Variants in CCL19 observed in about 807,000 individuals in gnomAD.
CCL19 encodes C-C motif chemokine 19.
Under a neutral mutation model 9.7 loss-of-function variants are expected in CCL19, and 5 were observed. That is an observed-to-expected ratio of 0.51 (90% CI 0.27 to 1.08). The LOEUF is 1.08. Among genes scored for constraint, CCL19 ranks in the 50% least tolerant of loss-of-function variants. CCL19 has a pLI of 0.12. For synonymous variants in CCL19, 40 were observed against 47.4 expected (o/e 0.84, Z 0.64); for missense variants, 90 against 122.5 (o/e 0.73, Z 1.25).
At chr9:34,690,457 T>TGC (rs1249693004) in intron 1 of CCL19, 115 bp from the exon 2 acceptor site, 2 of 970,724 alleles carry the variant, frequency 2.1e-6, no homozygotes, top group Non-Finnish European at 3.1e-6. Context: ...TGTGTGTGTG[T>TGC]GTGTGTGTGT....
Position 34,691,235 on chromosome 9 carries a change from CA to C in CCL19, c.-97del. ...GTGAGGCTGCAGGGCGACTGGGATG[CA>C]GGGGTGAAATGCAAGGTGTGAGTGA... is the stretch of plus-strand genomic sequence containing the variant. On this transcript the variant is annotated 5_prime_UTR_variant, in exon 1 of 4. Coordinates refer to ENST00000311925, the MANE Select transcript of CCL19 (RefSeq NM_006274.3). 1 of 1,088,230 alleles carries C rather than the reference CA, an allele frequency of 9.2e-7. No individual in the cohort carries two copies. The highest frequency in any genetic ancestry group is 2.2e-4 in the Middle Eastern group (1 of 4,624). The allele number at this position is 1,088,230 out of a possible 1,614,324, so 67.4% of individuals were successfully genotyped here.
chr9:34,690,424 C>CTCTG (rs1821780415), intron 1 of CCL19, 82 bp from the exon 2 acceptor site: 1 of 572,118 alleles, frequency 1.7e-6, no homozygotes, highest in Non-Finnish European at 2.9e-6. Flanking sequence ...TTGAGGACAC[C>CTCTG]TGTGTGTGTG....
At chr9:34,691,035 A>T (rs944907318) in intron 1 of CCL19, 56 bp downstream of exon 1, 11 of 1,455,748 alleles carry the variant, frequency 7.6e-6, no homozygotes, top group Non-Finnish European at 1.0e-5. Flanking sequence ...AGATCTAGAC[A>T]TTACCCACTG....
intron 2 of CCL19, 91 bp downstream of exon 2, chr9:34,690,119 G>A (rs1821776952): frequency 6.3e-7 from 1 of 1,586,632 alleles, no homozygotes; most frequent in South Asian, 1.1e-5. Context: ...TGAAGGGGTT[G>A]GGCTTGGCAT....
At position 34,691,150 on chromosome 9, in the gene CCL19, C is replaced by T; in HGVS notation, c.-11G>A. ...CAGTAGCAGGGCCATGGAGGGTGAACAGAGGCAGGCCAACGGTGAATGTGT... is the reference window on the plus strand; with the variant it reads ...CAGTAGCAGGGCCATGGAGGGTGAATAGAGGCAGGCCAACGGTGAATGTGT... On this transcript the variant is annotated 5_prime_UTR_variant, in exon 1 of 4. Coordinates refer to ENST00000311925, the MANE Select transcript of CCL19 (RefSeq NM_006274.3). 6.2e-7 allele frequency: 1 copy of T among 1,613,172 alleles called. No homozygotes were observed. The highest frequency in any genetic ancestry group is 8.5e-7 in the Non-Finnish European group (1 of 1,179,642).
At chr9:34,690,452 G>GTGTGTA in intron 1 of CCL19, 110 bp from the exon 2 acceptor site, 1 of 960,494 alleles carries the variant, frequency 1.0e-6, no homozygotes, top group East Asian at 2.6e-5. Context: ...GTGTGTGTGT[G>GTGTGTA]TGTGTGTGTG....
chr9:34,690,988 C>G, intron 1 of CCL19, 103 bp downstream of exon 1: 1 of 1,028,952 alleles, frequency 9.7e-7, no homozygotes, highest in Non-Finnish European at 1.4e-6. Flanking sequence ...TTTGCCTGAA[C>G]TCACCATGTC....
Position 34,689,749 on chromosome 9 carries a change from G to A in CCL19, c.*70C>T, listed in dbSNP as rs989940230. On this transcript the variant is annotated 3_prime_UTR_variant, in exon 4 of 4. Coordinates refer to ENST00000311925, the MANE Select transcript of CCL19 (RefSeq NM_006274.3). The surrounding 1 kb of genome is among the most constrained non-coding windows in gnomAD (Gnocchi z 4.1). ...AGCCTGGTCCTTCCTTCTGGTCCTCGGTTCCCCAGGTTAGGTAATAATTCA... is the reference window on the plus strand; with the variant it reads ...AGCCTGGTCCTTCCTTCTGGTCCTCAGTTCCCCAGGTTAGGTAATAATTCA... 21 of 1,584,094 alleles carry A rather than the reference G, an allele frequency of 1.3e-5. No individual in the cohort carries two copies. The highest frequency in any genetic ancestry group is 2.2e-5 in the East Asian group (1 of 44,720).
At chr9:34,690,710 C>T (rs541615616) in intron 1 of CCL19, among the ~76,000 whole-genome samples, 37 of 152,120 alleles carry the variant, frequency 2.4e-4, no homozygotes, top group Admixed American at 1.5e-3. Flanking sequence ...GTAGGGTAGG[C>T]TGGTGTTAGG....
Position 34,691,251 on chromosome 9 carries a change from G to T in CCL19, c.-112C>A. On this transcript the variant is annotated 5_prime_UTR_variant, in exon 1 of 4. Coordinates refer to ENST00000311925, the MANE Select transcript of CCL19 (RefSeq NM_006274.3). ...ACTGGGATGCAGGGGTGAAATGCAA[G>T]GTGTGAGTGATGTGAGGCTGGGAAT... 1 of 838,956 alleles carries T rather than the reference G, an allele frequency of 1.2e-6. No individual in the cohort carries two copies. The highest frequency in any genetic ancestry group is 1.9e-6 in the Non-Finnish European group (1 of 523,244). The allele number at this position is 838,956 out of a possible 1,614,324, so 52.0% of individuals were successfully genotyped here. A position where few individuals can be genotyped will look rare whatever the true frequency, so the allele number is the denominator to read the frequency against.
rs780254001 is a variant in CCL19, at chr9:34,690,346, GGA to G, written c.50-6_50-5del. 6.2e-6 allele frequency: 10 copies of G among 1,613,440 alleles called. No individual in the cohort carries two copies. In the South Asian group the frequency reaches 1.1e-4, roughly 18 times the overall value. On this transcript the variant is annotated splice_polypyrimidine_tract_variant and splice_region_variant and intron_variant, in intron 1 of 3. Coordinates refer to ENST00000311925, the MANE Select transcript of CCL19 (RefSeq NM_006274.3). The stretch of plus-strand genomic sequence containing the variant: ...TTGGTGCCACTCAGAGTTGGGGCTG[GGA>G]TGGGGAAAGAAGGTGACAGGACACA...
chr9:34,690,086 G>C (rs1821776564), intron 2 of CCL19, 63 bp from the exon 3 acceptor site: 2 of 1,592,400 alleles, frequency 1.3e-6, no homozygotes, highest in Non-Finnish European at 8.6e-7. Flanking sequence ...ACCATGTCTG[G>C]GAACCTGTTT....
intron 1 of CCL19, 41 bp downstream of exon 1, chr9:34,691,050 C>G (rs757379372): frequency 1.3e-6 from 2 of 1,543,132 alleles, no homozygotes; most frequent in Admixed American, 3.8e-5. Context: ...CCACTGCCAG[C>G]CCCCCACTGC....
In CCL19 at chr9:34,691,118, T is replaced by C; in HGVS notation, c.22A>G (p.Ser8Gly). 1 of 1,613,224 alleles carries C rather than the reference T, an allele frequency of 6.2e-7. No homozygotes were observed. Among genetic ancestry groups the C allele is most frequent in the Non-Finnish European group, 8.5e-7 (1 of 1,179,676 alleles). The change falls in exon 1 of 4, where the codon AGC becomes GGC. Residue 8 changes from serine to glycine, a missense_variant. Ser to Gly is a moderately conservative substitution (Grantham distance 56). Coordinates refer to ENST00000311925, the MANE Select transcript of CCL19 (RefSeq NM_006274.3). ...GGGGAAGTCCAGAGAACCAGCAGGCTGAGGGCCAGTAGCAGGGCCATGGAG... is the reference window on the plus strand; with the variant it reads ...GGGGAAGTCCAGAGAACCAGCAGGCCGAGGGCCAGTAGCAGGGCCATGGAG... Reference protein sequence around the residue: MALLLALSLLVLWTSPAP... With the variant: MALLLALGLLVLWTSPAP...
At position 34,689,825 on chromosome 9, in the gene CCL19, G is replaced by T; in HGVS notation, c.291C>A (p.Ser97Arg). 6.2e-7 allele frequency: 1 copy of T among 1,614,168 alleles called. No individual in the cohort carries two copies. Among genetic ancestry groups the T allele is most frequent in the Non-Finnish European group, 8.5e-7 (1 of 1,180,028 alleles). ...CCCTCTGCACGGTCATAGGTTAACT[G>T]CTGCGGCGCTTCATCTAGAGGAGGA... The part of the protein sequence containing the change: ...QRTSAKMKRR[S>R]S Residue 97 changes from serine (S) to arginine (R), a missense_variant, in exon 4 of 4, where the codon AGC becomes AGA. Transcript: ENST00000311925. The surrounding 1 kb of genome is among the most constrained non-coding windows in gnomAD (Gnocchi z 4.1).
In CCL19 at chr9:34,689,767, A is replaced by G; in HGVS notation, c.*52T>C. On this transcript the variant is annotated 3_prime_UTR_variant, in exon 4 of 4. Transcript: ENST00000311925. The surrounding 1 kb of genome is among the most constrained non-coding windows in gnomAD (Gnocchi z 4.1). ...GGTCCTCGGTTCCCCAGGTTAGGTA[A>G]TAATTCACAATGCTTGACTCGGACT... 1 of 1,610,594 alleles carries G rather than the reference A, an allele frequency of 6.2e-7. No homozygotes were observed. Among genetic ancestry groups the G allele is most frequent in the Non-Finnish European group, 8.5e-7 (1 of 1,177,076 alleles).
intron 1 of CCL19, among the ~76,000 whole-genome samples, chr9:34,690,821 A>G (rs1460957211): frequency 1.3e-5 from 2 of 152,164 alleles, no homozygotes; most frequent in East Asian, 3.9e-4. Flanking sequence ...AAACGGAGGC[A>G]GCAGGAAATA....
rs1160832025 is a variant in CCL19, at chr9:34,691,184, G to T, written c.-45C>A. 2 of 1,589,200 alleles carry T rather than the reference G, an allele frequency of 1.3e-6. No homozygotes were observed. The highest frequency in any genetic ancestry group is 2.2e-5 in the South Asian group (2 of 89,586). Reference sequence around the variant, plus strand: ...GCCAACGGTGAATGTGTGAGCGCCAGCTGTCTGGGTGTGTGCAGGATCTGT... The same window carrying T: ...GCCAACGGTGAATGTGTGAGCGCCATCTGTCTGGGTGTGTGCAGGATCTGT... On this transcript the variant is annotated 5_prime_UTR_variant, in exon 1 of 4. It adds an upstream start codon to the 5' untranslated region. Coordinates refer to ENST00000311925, the MANE Select transcript of CCL19 (RefSeq NM_006274.3).
At position 34,689,747 on chromosome 9, in the gene CCL19, T is replaced by C; in HGVS notation, c.*72A>G. The C allele has an allele frequency of 6.3e-7, 1 of 1,581,012 alleles. No individual in the cohort carries two copies. The highest frequency in any genetic ancestry group is 1.1e-5 in the South Asian group (1 of 89,550). ...GAAGCCTGGTCCTTCCTTCTGGTCCTCGGTTCCCCAGGTTAGGTAATAATT... is the reference window on the plus strand; with the variant it reads ...GAAGCCTGGTCCTTCCTTCTGGTCCCCGGTTCCCCAGGTTAGGTAATAATT... On this transcript the variant is annotated 3_prime_UTR_variant, in exon 4 of 4. Coordinates refer to ENST00000311925, the MANE Select transcript of CCL19 (RefSeq NM_006274.3). The surrounding 1 kb of genome is among the most constrained non-coding windows in gnomAD (Gnocchi z 4.1).
Sources: gnomAD v4.1 joint callset for allele counts (sites outside exome capture counted in the v4.1 genomes callset) on GRCh38, gnomAD v4.1.1 for gene constraint, Gnocchi (gnomAD v3.1) non-coding constraint, MANE v1.5 for transcripts, NCBI Gene and HGNC (gene_info 2026-07-23, HGNC 2026-07-21) for gene names.